Variants in ABL1 observed in about 807,000 individuals in gnomAD.
ABL1 encodes the protein ABL proto-oncogene 1, non-receptor tyrosine kinase, also known as tyrosine-protein kinase ABL1.
Under a neutral mutation model 94.7 loss-of-function variants are expected in ABL1, and 11 were observed. That is an observed-to-expected ratio of 0.12 (90% CI 0.07 to 0.19). ABL1 has a LOEUF of 0.19. ABL1 is among the 10% of genes least tolerant of loss of function. ABL1 has a pLI of 1.00. For synonymous variants in ABL1, 656 were observed against 622.4 expected (o/e 1.05, Z -0.80); for missense variants, 1,082 against 1,489.4 (o/e 0.73, Z 4.50).
chr9:130,749,189 C>T (rs1554759682), intron 1 of ABL1, among the ~76,000 whole-genome samples: 1 of 152,098 alleles, frequency 6.6e-6, no homozygotes, highest in Non-Finnish European at 1.5e-5. Context: ...AAGTTCAACA[C>T]AGTAGCTTCT....
chr9:130,878,618 AT>A (rs765573219), intron 8 of ABL1, 51 bp downstream of exon 8: 68 of 1,602,444 alleles, frequency 4.2e-5, no homozygotes, highest in Non-Finnish European at 5.4e-5. Context: ...ATTCCAGGAA[AT>A]TCAACTGTGC....
chr9:130,742,950 C>T lies in ABL1; in HGVS notation c.136+28495C>T, dbSNP rs190141487. Among the ~76,000 whole-genome samples the T allele has an allele frequency of 1.3e-3, 195 of 152,114 alleles. 2 individuals carry two copies. Among genetic ancestry groups the T allele is most frequent in the Middle Eastern group, 6.8e-3 (2 of 294 alleles). On this transcript the variant is annotated intron_variant, in intron 1 of 10. Transcript: ENST00000372348. ...AACTTTAAAAAATGCGTTACTGGTACAAAATTTTTTTGTTTCTAAAAAATT... is the reference window on the plus strand; with the variant it reads ...AACTTTAAAAAATGCGTTACTGGTATAAAATTTTTTTGTTTCTAAAAAATT...
chr9:130,813,216 A>AAAAC (rs535895736), intron 1 of ABL1, among the ~76,000 whole-genome samples: 3 of 150,760 alleles, frequency 2.0e-5, no homozygotes, highest in Non-Finnish European at 4.4e-5. Context: ...CGTCTCGAAA[A>AAAAC]AAACAAACAA....
intron 1 of ABL1, among the ~76,000 whole-genome samples, chr9:130,744,572 G>A (rs907880943): frequency 6.6e-6 from 1 of 150,800 alleles, no homozygotes; most frequent in Admixed American, 6.6e-5. Context: ...GTCTTTTCTG[G>A]CCAGGCGCAG....
At chr9:130,726,627 T>C (rs191074837) in intron 1 of ABL1, among the ~76,000 whole-genome samples, 53 of 152,342 alleles carry the variant, frequency 3.5e-4, no homozygotes, top group African/African-American at 1.2e-3. Flanking sequence ...CTTTATTTTC[T>C]TTCTTTTACT....
chr9:130,859,684 T>TTC (rs1564314328), intron 3 of ABL1, among the ~76,000 whole-genome samples: 3 of 107,200 alleles, frequency 2.8e-5, no homozygotes, highest in African/African-American at 1.4e-4. Flanking sequence ...TTCCTTTTTT[T>TTC]TTTTTTTTTT....
intron 1 of ABL1, among the ~76,000 whole-genome samples, chr9:130,777,996 G>T: frequency 3.4e-5 from 4 of 117,724 alleles, no homozygotes; most frequent in East Asian, 3.0e-4. Context: ...GTGTTGGGAC[G>T]CTGACACACT....
rs1160284622 is a variant in ABL1, at chr9:130,863,390, A to G, written c.822+355A>G. On this transcript the variant is annotated intron_variant, in intron 4 of 10. Coordinates refer to ENST00000318560, the MANE Select transcript of ABL1 (RefSeq NM_005157.6). The surrounding 1 kb of genome is among the most constrained non-coding windows in gnomAD (Gnocchi z 4.3). Reference sequence around the variant, plus strand: ...GATCACTTCCTACCGAGAGTTAAGGAGGAAAAAAAGATCTCTGAGTTTTGA... The same window carrying G: ...GATCACTTCCTACCGAGAGTTAAGGGGGAAAAAAAGATCTCTGAGTTTTGA... Among the ~76,000 whole-genome samples, 1 of 151,936 alleles carries G rather than the reference A, an allele frequency of 6.6e-6. No homozygotes were observed. The highest frequency in any genetic ancestry group is 6.6e-5 in the Admixed American group (1 of 15,242).
Position 130,887,543 on chromosome 9 carries a change from G to T in ABL1, c.*1860G>T. The T allele has an allele frequency of 4.3e-6, 1 of 232,922 alleles. No individual in the cohort carries two copies. The highest frequency in any genetic ancestry group is 6.1e-5 in the East Asian group (1 of 16,490). 14.4% of individuals were successfully genotyped at this position (232,922 alleles called of 1,614,324 possible). On this transcript the variant is annotated 3_prime_UTR_variant, in exon 11 of 11. Transcript: ENST00000318560. The stretch of plus-strand genomic sequence containing the variant: ...AGCGTCCTGCCCTGCCCCCTCGGGG[G>T]CCTGTGGTGGCTCCCCCTCTGCTTC...
chr9:130,848,461 T>C (rs1830808126), intron 1 of ABL1, among the ~76,000 whole-genome samples: 1 of 142,860 alleles, frequency 7.0e-6, no homozygotes, highest in Non-Finnish European at 1.5e-5. Context: ...GAGGTTGCAG[T>C]GAGCCTAGAT....
chr9:130,843,064 T>TAA (rs1830701354), intron 1 of ABL1, among the ~76,000 whole-genome samples: 1 of 152,258 alleles, frequency 6.6e-6, no homozygotes, highest in African/African-American at 2.4e-5. Context: ...TCAACTTTAC[T>TAA]ATCTGTCATT....
chr9:130,865,482 T>C (rs927913496), intron 4 of ABL1, among the ~76,000 whole-genome samples: 3 of 152,178 alleles, frequency 2.0e-5, no homozygotes, highest in Non-Finnish European at 2.9e-5. Context: ...CACGGTGGCT[T>C]ACGCCTGTAA....
intron 1 of ABL1, among the ~76,000 whole-genome samples, chr9:130,781,583 A>C (rs1829756556): frequency 6.6e-6 from 1 of 152,212 alleles, no homozygotes; most frequent in African/African-American, 2.4e-5. Context: ...ATAATCTTTT[A>C]ATAGAATTCC....
intron 1 of ABL1, among the ~76,000 whole-genome samples, chr9:130,750,902 C>G (rs1203951712): frequency 1.3e-5 from 2 of 151,698 alleles, no homozygotes; most frequent in Non-Finnish European, 2.9e-5. Flanking sequence ...CCCTCAGCCT[C>G]CCAAAGTGCT....
At chr9:130,868,520 C>CTTTTTTTTTTT (rs71389371) in intron 4 of ABL1, among the ~76,000 whole-genome samples, 1 of 112,112 alleles carries the variant, frequency 8.9e-6, no homozygotes, top group Admixed American at 9.2e-5. Context: ...TTTTCTTTTT[C>CTTTTTTTTTTT]TTTTTTTTTT....
chr9:130,717,645 G>A (rs1202254674), intron 1 of ABL1, among the ~76,000 whole-genome samples: 2 of 151,088 alleles, frequency 1.3e-5, no homozygotes, highest in South Asian at 2.1e-4. Context: ...GAGGGAGACC[G>A]TGTCTCTGGG....
rs71389356 is a variant in ABL1, at chr9:130,797,236, G to GA, written c.137-56799dup. Among the ~76,000 whole-genome samples the GA allele has an allele frequency of 4.1e-3, 229 of 55,218 alleles. 27 individuals are homozygous for GA. The highest frequency in any genetic ancestry group is 5.9e-3 in the African/African-American group (100 of 16,922). The allele number at this position is 55,218 out of a possible 152,430, so 36.2% of individuals were successfully genotyped here. The stretch of plus-strand genomic sequence containing the variant: ...GGGCGACAGAGTGAGACTCCATCTC[G>GA]AAAAAAAAAAAAAAAAAAAAAAAAA... On this transcript the variant is annotated intron_variant, in intron 1 of 10. Transcript: ENST00000372348.
chr9:130,795,360 A>G (rs1371774857), intron 1 of ABL1, among the ~76,000 whole-genome samples: 1 of 152,236 alleles, frequency 6.6e-6, no homozygotes, highest in Non-Finnish European at 1.5e-5. Flanking sequence ...GTGGTTCCAG[A>G]ATAGTCTGTT....
At chr9:130,871,449 TTAAAA>T (rs1293680784) in intron 4 of ABL1, among the ~76,000 whole-genome samples, 1 of 152,204 alleles carries the variant, frequency 6.6e-6, no homozygotes, top group Non-Finnish European at 1.5e-5. Context: ...CATGGACTTG[TTAAAA>T]TGTGACATGT....
Sources: gnomAD v4.1 joint callset for allele counts (sites outside exome capture counted in the v4.1 genomes callset) on GRCh38, gnomAD v4.1.1 for gene constraint, Gnocchi (gnomAD v3.1) non-coding constraint, MANE v1.5 for transcripts, NCBI Gene and HGNC (gene_info 2026-07-23, HGNC 2026-07-21) for gene names.